CLGN: variants seen among roughly 807,000 people sequenced by gnomAD.
CLGN encodes testis tissue sperm-binding protein Li 79P.
In CLGN, 62 loss-of-function variants were observed where a neutral mutation model predicts 79.1. That is an observed-to-expected ratio of 0.78 (90% CI 0.64 to 0.97). The LOEUF (loss-of-function observed/expected upper bound fraction) is 0.97. Among genes scored for constraint, CLGN ranks in the 50% least tolerant of loss-of-function variants. CLGN has a pLI of 0.00. For missense variants in CLGN, 647 were observed against 715.5 expected, an observed-to-expected ratio of 0.90 and a Z score of 1.09; for synonymous variants, 225 against 224.7, an observed-to-expected ratio of 1.00 and a Z score of -0.01.
chr4:140,402,229 C>T (rs151111753), intron 5 of CLGN, among the ~76,000 whole-genome samples, 163 bp from the exon 6 acceptor site: 43 of 151,818 alleles, frequency 2.8e-4, no homozygotes, highest in Non-Finnish European at 5.6e-4. Flanking sequence ...TAAGCAGAAA[C>T]GCTTTTCTAC....
intron 10 of CLGN, among the ~76,000 whole-genome samples, chr4:140,394,365 A>G (rs1223858433): frequency 2.6e-5 from 4 of 152,210 alleles, no homozygotes; most frequent in Non-Finnish European, 4.4e-5. Context: ...TCATTGCAAA[A>G]TGTTATTCAA....
intron 1 of CLGN, among the ~76,000 whole-genome samples, chr4:140,421,392 T>G (rs1313552333): frequency 6.6e-6 from 1 of 152,192 alleles, no homozygotes; most frequent in Non-Finnish European, 1.5e-5. Flanking sequence ...ACAGTGGCTT[T>G]ACCATTTTAC....
At chr4:140,424,056 T>C (rs929302772) in intron 1 of CLGN, among the ~76,000 whole-genome samples, 14 of 152,292 alleles carry the variant, frequency 9.2e-5, no homozygotes, top group African/African-American at 2.9e-4. Context: ...CTCTTTCTTC[T>C]AACTTTTGGG....
chr4:140,396,608 G>C lies in CLGN; in HGVS notation c.885-403C>G, dbSNP rs1033079637. 2.0e-5 allele frequency among the ~76,000 whole-genome samples: 3 copies of C among 151,772 alleles called. No individual in the cohort carries two copies. In the South Asian group the frequency reaches 6.3e-4, roughly 32 times the overall value. On this transcript the variant is annotated intron_variant, in intron 8 of 14. Transcript: ENST00000325617. The stretch of plus-strand genomic sequence containing the variant: ...TCTTGTTCTTGTTTCCCAGGCTGGA[G>C]TGCAATAGTGCGACCTCAGCTCACT...
chr4:140,421,284 G>A (rs1441588388), intron 1 of CLGN, among the ~76,000 whole-genome samples: 3 of 152,048 alleles, frequency 2.0e-5, no homozygotes, highest in Non-Finnish European at 2.9e-5. Context: ...ATAACTCTTC[G>A]AGACCTTGTT....
chr4:140,396,357 T>A (rs1728873681), intron 8 of CLGN, 152 bp from the exon 9 acceptor site: 1 of 673,696 alleles, frequency 1.5e-6, no homozygotes, highest in Non-Finnish European at 2.5e-6. Flanking sequence ...TTTTGCTAAC[T>A]TGCCAATTTT....
chr4:140,418,047 G>A (rs1729380386), intron 1 of CLGN, among the ~76,000 whole-genome samples: 1 of 151,782 alleles, frequency 6.6e-6, no homozygotes, highest in African/African-American at 2.4e-5. Context: ...AAATAACGCC[G>A]CATATCTACA....
chr4:140,417,863 T>C (rs1451271602), intron 1 of CLGN, among the ~76,000 whole-genome samples: 22 of 151,104 alleles, frequency 1.5e-4, no homozygotes, highest in African/African-American at 5.1e-4. Context: ...TTAAAGTTCA[T>C]ATGGAACCAA....
intron 4 of CLGN, among the ~76,000 whole-genome samples, chr4:140,407,123 T>C (rs1052693607): frequency 1.1e-4 from 16 of 152,186 alleles, no homozygotes; most frequent in African/African-American, 3.9e-4. Context: ...TAAAAATGTG[T>C]GTGTTTTTAT....
intron 10 of CLGN, 23 bp from the exon 11 acceptor site, chr4:140,394,064 C>T: frequency 6.6e-7 from 1 of 1,523,060 alleles, no homozygotes; most frequent in Non-Finnish European, 9.1e-7. Context: ...TAATTGAAGA[C>T]ATTTTCAAAT....
In CLGN at chr4:140,394,043, T is replaced by C. The variant is rs752082133; in HGVS notation, c.1150-2A>G. On this transcript the variant is annotated splice_acceptor_variant, in intron 10 of 14. Transcript: ENST00000325617. LOFTEE classifies it high-confidence loss of function. ...AATTTTTCGAGGACTCCAGATTCCCTGGAAGAAAAGTAATTGAAGACATTT... is the reference window on the plus strand; with the variant it reads ...AATTTTTCGAGGACTCCAGATTCCCCGGAAGAAAAGTAATTGAAGACATTT... The C allele has an allele frequency of 6.3e-7, 1 of 1,599,108 alleles. No homozygotes were observed. Among genetic ancestry groups the C allele is most frequent in the East Asian group, 2.2e-5 (1 of 44,616 alleles).
At chr4:140,410,650 T>TAA (rs1729193309) in intron 2 of CLGN, 24 bp from the exon 3 acceptor site, 3 of 1,358,478 alleles carry the variant, frequency 2.2e-6, no homozygotes, top group Non-Finnish European at 3.1e-6. Flanking sequence ...TTTCCAAGTC[T>TAA]AAAGTTATTC....
chr4:140,410,500 A>G, intron 3 of CLGN, 53 bp downstream of exon 3: 1 of 1,297,406 alleles, frequency 7.7e-7, no homozygotes, highest in Non-Finnish European at 1.1e-6. Context: ...AAACCTAATA[A>G]CTTCAAAAAA....
At chr4:140,425,474 A>G (rs1729549595) in intron 1 of CLGN, among the ~76,000 whole-genome samples, 1 of 140,368 alleles carries the variant, frequency 7.1e-6, no homozygotes, top group Non-Finnish European at 1.6e-5. Flanking sequence ...GTGTGTACAT[A>G]CAGGCATACC....
At chr4:140,396,886 T>TAC (rs1412890545) in intron 8 of CLGN, among the ~76,000 whole-genome samples, 12 of 61,964 alleles carry the variant, frequency 1.9e-4, no homozygotes, top group Non-Finnish European at 2.7e-4. Context: ...TATATATATA[T>TAC]ATATGTATAT....
In CLGN at chr4:140,395,904, C is replaced by T; in HGVS notation, c.1064G>A (p.Cys355Tyr). 2 of 1,606,110 alleles carry T rather than the reference C, an allele frequency of 1.2e-6. No homozygotes were observed. Among genetic ancestry groups the T allele is most frequent in the Non-Finnish European group, 1.7e-6 (2 of 1,177,210 alleles). ...TATCATGGGAGGTTTCCACTCACCA[C>T]ACCCAATCCGACATGCTGGATTAAG... ...QILNPACRIG[C>Y]GEWKPPMIDN... The change falls in exon 10 of 15, where the codon TGT (cysteine) becomes TAT (tyrosine). Residue 355 changes from cysteine to tyrosine, a missense_variant. Cys to Tyr is a radical substitution (Grantham distance 194). Coordinates refer to ENST00000325617, the MANE Select transcript of CLGN (RefSeq NM_004362.3).
chr4:140,399,822 T>C (rs1728965575), intron 7 of CLGN, among the ~76,000 whole-genome samples: 1 of 152,210 alleles, frequency 6.6e-6, no homozygotes, highest in African/African-American at 2.4e-5. Flanking sequence ...TTAAGTATAT[T>C]AATATATGGC....
chr4:140,420,555 A>T (rs60000286), intron 1 of CLGN, among the ~76,000 whole-genome samples: 9,507 of 141,530 alleles, frequency 0.067, 368 homozygotes, highest in African/African-American at 0.12. Context: ...TCTTTTTTTT[A>T]AAAAAAAAAA....
intron 1 of CLGN, among the ~76,000 whole-genome samples, chr4:140,419,561 T>A (rs936380268): frequency 3.9e-5 from 6 of 152,078 alleles, no homozygotes; most frequent in African/African-American, 9.7e-5. Context: ...GATACAAAAA[T>A]TTTTTTATCA....
Sources: allele counts gnomAD v4.1 joint callset (sites outside exome capture counted in the v4.1 genomes callset), GRCh38; gene constraint gnomAD v4.1.1; transcripts MANE v1.5; gene names NCBI Gene and HGNC (gene_info 2026-07-23, HGNC 2026-07-21).